ARFIP1: variants seen among roughly 807,000 people sequenced by gnomAD.
ARFIP1 encodes ARF interacting protein 1.
Under a neutral mutation model 42.5 loss-of-function variants are expected in ARFIP1, and 24 were observed. That is an observed-to-expected ratio of 0.57 (90% confidence interval 0.41 to 0.80). ARFIP1 has a LOEUF of 0.80. Ranked by LOEUF, ARFIP1 falls within the 30% of genes least tolerant of loss-of-function variation. The pLI, the probability that ARFIP1 is intolerant of heterozygous loss-of-function variation, is 0.00. For missense variants in ARFIP1, 354 were observed against 434.0 expected (o/e 0.82, Z 1.64); for synonymous variants, 141 against 153.7 (o/e 0.92, Z 0.61).
At chr4:152,904,271 AC>A (rs1351366999) in intron 8 of ARFIP1, among the ~76,000 whole-genome samples, 1 of 149,424 alleles carries the variant, frequency 6.7e-6, no homozygotes, top group Non-Finnish European at 1.5e-5. Context: ...GCTCACTGCA[AC>A]CCTCCGCCTC....
At chr4:152,791,497 A>G (rs1027615993) in intron 1 of ARFIP1, among the ~76,000 whole-genome samples, 2 of 152,224 alleles carry the variant, frequency 1.3e-5, no homozygotes, top group East Asian at 3.8e-4. Flanking sequence ...AGTCTTTTCC[A>G]GGTTTTAAGC....
chr4:152,790,193 T>C (rs1731065926), intron 1 of ARFIP1, among the ~76,000 whole-genome samples: 1 of 152,196 alleles, frequency 6.6e-6, no homozygotes, highest in African/African-American at 2.4e-5. Flanking sequence ...CCTGTGAATA[T>C]TGAAGGGGTT....
intron 1 of ARFIP1, among the ~76,000 whole-genome samples, chr4:152,803,047 C>T (rs894639320): frequency 6.6e-6 from 1 of 152,076 alleles, no homozygotes; most frequent in African/African-American, 2.4e-5. Flanking sequence ...TACTGTGTAT[C>T]CTCAGGGTAA....
chr4:152,791,091 A>G (rs931172981), intron 1 of ARFIP1, among the ~76,000 whole-genome samples: 5 of 152,146 alleles, frequency 3.3e-5, no homozygotes, highest in Non-Finnish European at 4.4e-5. Flanking sequence ...TATGTAAAAG[A>G]ACTTGTAGGT....
At chr4:152,879,708 G>A (rs1398286507) in intron 5 of ARFIP1, among the ~76,000 whole-genome samples, 2 of 152,070 alleles carry the variant, frequency 1.3e-5, no homozygotes, top group African/African-American at 4.8e-5. Context: ...AATTAGCCAC[G>A]TGTGGTGTCG....
At chr4:152,816,516 T>C (rs1729900468) in intron 1 of ARFIP1, among the ~76,000 whole-genome samples, 2 of 152,350 alleles carry the variant, frequency 1.3e-5, no homozygotes, top group African/African-American at 4.8e-5. Flanking sequence ...CACAAAAATA[T>C]ACCTTTTCTG....
At position 152,862,559 on chromosome 4, in the gene ARFIP1, T is replaced by C. The variant is rs577996635; in HGVS notation, c.94-1047T>C. ...AAGGTGTAATGGTTTAGAAAAAATATATAACAGTAGTTATATATATTTATG... is the reference window on the plus strand; with the variant it reads ...AAGGTGTAATGGTTTAGAAAAAATACATAACAGTAGTTATATATATTTATG... On this transcript the variant is annotated intron_variant, in intron 2 of 8. Transcript: ENST00000353617. Among the ~76,000 whole-genome samples the C allele has an allele frequency of 3.9e-5, 6 of 152,256 alleles. No individual in the cohort carries two copies. The East Asian group carries it at 7.7e-4, about 20-fold the overall frequency.
intron 2 of ARFIP1, among the ~76,000 whole-genome samples, chr4:152,844,028 A>G (rs1354880727): frequency 6.6e-6 from 1 of 152,122 alleles, no homozygotes; most frequent in African/African-American, 2.4e-5. Flanking sequence ...CACCCTCCTG[A>G]TGGATCCCTG....
intron 1 of ARFIP1, among the ~76,000 whole-genome samples, chr4:152,790,728 CTTTTTT>C (rs781615063): frequency 1.9e-5 from 2 of 106,078 alleles, no homozygotes; most frequent in Admixed American, 9.5e-5. Flanking sequence ...ATGTGTTTAT[CTTTTTT>C]TTTTTTTTTT....
At chr4:152,809,138 A>G (rs747164848) in intron 1 of ARFIP1, among the ~76,000 whole-genome samples, 1 of 152,230 alleles carries the variant, frequency 6.6e-6, no homozygotes, top group Non-Finnish European at 1.5e-5. Context: ...TGTAAATACA[A>G]AAGATATTTG....
chr4:152,908,408 G>A (rs756158074), intron 8 of ARFIP1, among the ~76,000 whole-genome samples: 4 of 152,020 alleles, frequency 2.6e-5, no homozygotes, highest in African/African-American at 4.8e-5. Context: ...GGCAGATCAC[G>A]AGACGGTCTT....
At chr4:152,864,693 T>G (rs1157563785) in intron 3 of ARFIP1, among the ~76,000 whole-genome samples, 1 of 152,184 alleles carries the variant, frequency 6.6e-6, no homozygotes, top group African/African-American at 2.4e-5. Context: ...TAAGCCACAT[T>G]GCAGGTAAAC....
At chr4:152,813,227 A>G (rs1319822572) in intron 1 of ARFIP1, among the ~76,000 whole-genome samples, 1 of 152,212 alleles carries the variant, frequency 6.6e-6, no homozygotes, top group Non-Finnish European at 1.5e-5. Context: ...GAGGATATGC[A>G]TAGGTTATAT....
chr4:152,803,386 A>G (rs539210563), intron 1 of ARFIP1, among the ~76,000 whole-genome samples: 14 of 152,304 alleles, frequency 9.2e-5, no homozygotes, highest in African/African-American at 3.4e-4. Flanking sequence ...CCTTGACACT[A>G]TTGACATATT....
chr4:152,829,862 T>C (rs1291317166), intron 2 of ARFIP1, 136 bp downstream of exon 2: 3 of 629,520 alleles, frequency 4.8e-6, no homozygotes, highest in Non-Finnish European at 7.5e-6. Context: ...TGTTATTATA[T>C]AGGGATGACA....
intron 8 of ARFIP1, among the ~76,000 whole-genome samples, chr4:152,907,276 G>T (rs188530112): frequency 6.6e-6 from 1 of 152,086 alleles, no homozygotes; most frequent in East Asian, 1.9e-4. Flanking sequence ...TATAAAATGG[G>T]AACATTGTGA....
Position 152,882,866 on chromosome 4 carries a change from G to C in ARFIP1, c.777G>C (p.Gln259His), listed in dbSNP as rs1408193820. 6.2e-7 allele frequency: 1 copy of C among 1,606,394 alleles called. No individual in the cohort carries two copies. Among genetic ancestry groups the C allele is most frequent in the Non-Finnish European group, 8.5e-7 (1 of 1,177,256 alleles). The change falls in exon 7 of 9, where the codon CAG (glutamine) becomes CAC (histidine). Residue 259 changes from glutamine (Q) to histidine (H), a missense_variant. Coordinates refer to ENST00000353617, the MANE Select transcript of ARFIP1 (RefSeq NM_001025595.3). ...AAGATACATTAATGACTGTGAAACAGTATGAAAGTGCCAGGTAAGGTATAC... is the reference window on the plus strand; with the variant it reads ...AAGATACATTAATGACTGTGAAACACTATGAAAGTGCCAGGTAAGGTATAC... ...TIEDTLMTVK[Q>H]YESARIEYDA...
intron 8 of ARFIP1, among the ~76,000 whole-genome samples, chr4:152,904,902 G>A (rs949991343): frequency 2.0e-5 from 3 of 152,104 alleles, no homozygotes; most frequent in Non-Finnish European, 4.4e-5. Flanking sequence ...TTTTGGGGGG[G>A]TATATACCCA....
chr4:152,870,838 T>G lies in ARFIP1; in HGVS notation c.288T>G (p.Ile96Met), dbSNP rs374915490. Residue 96 changes from isoleucine (I) to methionine (M), a missense_variant, in exon 4 of 9, where the codon ATT becomes ATG. Coordinates refer to ENST00000353617, the MANE Select transcript of ARFIP1 (RefSeq NM_001025595.3). ...TGGCTCAGCAAGGAAGTGATTTAAT[T>G]GTTCCTGCAGGTATTCACTGCACTG... is the stretch of plus-strand genomic sequence containing the variant. ...SRLAQQGSDL[I>M]VPAGGQRTQT... 5.6e-6 allele frequency: 9 copies of G among 1,612,736 alleles called. No homozygotes were observed. In the African/African-American group the frequency reaches 9.3e-5, roughly 17 times the overall value.
Sources: allele counts gnomAD v4.1 joint callset (sites outside exome capture counted in the v4.1 genomes callset), GRCh38; gene constraint gnomAD v4.1.1; transcripts MANE v1.5; gene names NCBI Gene and HGNC (gene_info 2026-07-23, HGNC 2026-07-21).